Variants in GEMIN5 observed in about 807,000 individuals in gnomAD.
The protein encoded by GEMIN5 is gem-associated protein 5.
Under a neutral mutation model 176.9 loss-of-function variants are expected in GEMIN5, and 124 were observed. The observed-to-expected ratio is 0.70, with a 90% CI of 0.61 to 0.81. GEMIN5 has a LOEUF of 0.81. Among genes scored for constraint, GEMIN5 ranks in the 40% least tolerant of loss-of-function variants. The pLI, the probability that GEMIN5 is intolerant of heterozygous loss-of-function variation, is 0.00. For missense variants in GEMIN5, 1,843 were observed against 1,814.6 expected (o/e 1.02, Z -0.28); for synonymous variants, 673 against 665.2 (o/e 1.01, Z -0.18).
In GEMIN5 at chr5:154,921,358, G is replaced by C. The variant is rs1460578838; in HGVS notation, c.1447C>G (p.Pro483Ala). The C allele has an allele frequency of 7.3e-7, 1 of 1,377,900 alleles. No homozygotes were observed. The highest frequency in any genetic ancestry group is 1.8e-5 in the Admixed American group (1 of 56,452). 85.4% of individuals were successfully genotyped at this position (1,377,900 alleles called of 1,614,324 possible). A position where few individuals can be genotyped will look rare whatever the true frequency, so the allele number is the denominator to read the frequency against. The change falls in exon 10 of 28, where the codon CCC (proline) becomes GCC (alanine). Residue 483 changes from proline (P) to alanine (A), a missense_variant. Coordinates refer to ENST00000285873, the MANE Select transcript of GEMIN5 (RefSeq NM_015465.5). ...AGATACTTACCAAGTGACATGGGGG[G>C]TACTGGTGGCCCCCAGGCTAAAGTA... Reference protein sequence around the residue: ...VYTLAWGPPVPPMSLGGEGDR... With the variant: ...VYTLAWGPPVAPMSLGGEGDR...
intron 25 of GEMIN5, 146 bp downstream of exon 25, chr5:154,892,241 G>A (rs932261505): frequency 1.5e-6 from 1 of 667,480 alleles, no homozygotes. Context: ...TAAAAGCTTC[G>A]GTAAGAGAAT....
chr5:154,895,171 C>T (rs187534450), intron 24 of GEMIN5, among the ~76,000 whole-genome samples: 1 of 151,914 alleles, frequency 6.6e-6, no homozygotes, highest in East Asian at 1.9e-4. Flanking sequence ...AGCCTTGTTC[C>T]TCATAAATAT....
intron 25 of GEMIN5, among the ~76,000 whole-genome samples, chr5:154,891,984 T>A (rs562298777): frequency 1.3e-5 from 2 of 152,218 alleles, no homozygotes; most frequent in East Asian, 3.9e-4. Context: ...TGATAGAGTA[T>A]TCCATTTGTA....
At chr5:154,913,159 A>ATT in intron 13 of GEMIN5, 121 bp from the exon 14 acceptor site, 4 of 758,012 alleles carry the variant, frequency 5.3e-6, no homozygotes, top group Non-Finnish European at 6.0e-6. Context: ...TTTCTAGGTT[A>ATT]TTTTTTTTTT....
intron 11 of GEMIN5, among the ~76,000 whole-genome samples, chr5:154,919,299 T>A (rs1237445239): frequency 1.3e-5 from 2 of 152,064 alleles, no homozygotes; most frequent in Admixed American, 6.6e-5. Context: ...GCCACTGCAC[T>A]CCAGCCTGAG....
At chr5:154,914,820 TAAACTAAC>T (rs1484037904) in intron 13 of GEMIN5, among the ~76,000 whole-genome samples, 1 of 152,216 alleles carries the variant, frequency 6.6e-6, no homozygotes, top group Non-Finnish European at 1.5e-5. Context: ...TATATTAAGT[TAAACTAAC>T]AAACTGATAA....
rs1763548705 is a variant in GEMIN5, at chr5:154,905,407, T to G, written c.2465A>C (p.Asn822Thr). ...CTCCTTTTTCAGTAAAATGACTTTG[T>G]TATTAATGGTGACTTTTGACTTTTC... is the stretch of plus-strand genomic sequence containing the variant. ...GFEKSKVTIN[N>T]KVILLKKEPP... Residue 822 changes from asparagine (N) to threonine (T), a missense_variant, in exon 17 of 28, where the codon AAC (asparagine) becomes ACC (threonine). By Grantham distance (65) the Asn-to-Thr change is moderately conservative. Transcript: ENST00000285873. 6.2e-7 allele frequency: 1 copy of G among 1,609,448 alleles called. No homozygotes were observed.
intron 27 of GEMIN5, 127 bp from the exon 28 acceptor site, chr5:154,888,504 C>G: frequency 7.3e-6 from 5 of 687,010 alleles, no homozygotes; most frequent in Non-Finnish European, 9.8e-6. Flanking sequence ...AGCCAGCTGT[C>G]TCCTAAGGCA....
At chr5:154,920,376 G>C (rs988608047) in intron 10 of GEMIN5, among the ~76,000 whole-genome samples, 2 of 152,082 alleles carry the variant, frequency 1.3e-5, no homozygotes, top group Non-Finnish European at 2.9e-5. Flanking sequence ...TAATAATAGG[G>C]GTCCAAAAGC....
intron 10 of GEMIN5, 71 bp from the exon 11 acceptor site, chr5:154,920,174 GACC>G: frequency 8.2e-7 from 1 of 1,216,608 alleles, no homozygotes; most frequent in Non-Finnish European, 1.2e-6. Flanking sequence ...GCTATAGTAT[GACC>G]ATACCATACT....
At chr5:154,931,026 G>T (rs1764151148) in intron 5 of GEMIN5, among the ~76,000 whole-genome samples, 1 of 152,254 alleles carries the variant, frequency 6.6e-6, no homozygotes, top group African/African-American at 2.4e-5. Context: ...ATGATTGAGG[G>T]GCTCTATAAT....
intron 12 of GEMIN5, 93 bp downstream of exon 12, chr5:154,917,838 C>G (rs369487232): frequency 1.2e-6 from 1 of 825,100 alleles, no homozygotes. Context: ...ACAACTGGGC[C>G]GCCCCAGCTA....
intron 9 of GEMIN5, among the ~76,000 whole-genome samples, chr5:154,922,050 C>T (rs1763933692): frequency 6.6e-6 from 1 of 152,196 alleles, no homozygotes; most frequent in Non-Finnish European, 1.5e-5. Context: ...TAATTAGCAG[C>T]TGACTTACTT....
Position 154,927,302 on chromosome 5 carries a change from C to G in GEMIN5, c.1080+83G>C, listed in dbSNP as rs988118407. The G allele has an allele frequency of 1.2e-5, 10 of 801,438 alleles. No individual in the cohort carries two copies. The African/African-American group carries it at 1.7e-4, about 13-fold the overall frequency. 49.6% of individuals were successfully genotyped at this position (801,438 alleles called of 1,614,324 possible). On this transcript the variant is annotated intron_variant, in intron 7 of 27. Transcript: ENST00000285873. The stretch of plus-strand genomic sequence containing the variant: ...TCAGGGGTGGAGTATTACGACTTGA[C>G]AGGTGCTTTGAAAAAGCCCTCTCAT...
At chr5:154,909,805 C>T (rs1456290964) in intron 15 of GEMIN5, among the ~76,000 whole-genome samples, 1 of 151,946 alleles carries the variant, frequency 6.6e-6, no homozygotes, top group Non-Finnish European at 1.5e-5. Context: ...ATGGTGAATC[C>T]CTGTCTCTAC....
intron 10 of GEMIN5, among the ~76,000 whole-genome samples, chr5:154,920,588 T>C (rs1763903139): frequency 6.6e-6 from 1 of 152,196 alleles, no homozygotes; most frequent in African/African-American, 2.4e-5. Flanking sequence ...GTAATTCTGG[T>C]GGGTTTCTAT....
chr5:154,918,115 G>C (rs1291006209), intron 11 of GEMIN5, 111 bp from the exon 12 acceptor site: 15 of 661,632 alleles, frequency 2.3e-5, no homozygotes, highest in Non-Finnish European at 3.8e-5. Flanking sequence ...TTATACAACA[G>C]CTATTCTTGT....
In GEMIN5 at chr5:154,888,113, T is replaced by C. The variant is rs572685976; in HGVS notation, c.*97A>G. 47 of 1,155,130 alleles carry C rather than the reference T, an allele frequency of 4.1e-5. 1 individual carries two copies. In the South Asian group the frequency reaches 5.7e-4, roughly 14 times the overall value. The allele number at this position is 1,155,130 out of a possible 1,614,324, so 71.6% of individuals were successfully genotyped here. On this transcript the variant is annotated 3_prime_UTR_variant, in exon 28 of 28. Coordinates refer to ENST00000285873, the MANE Select transcript of GEMIN5 (RefSeq NM_015465.5). ...ATTCTTTTGGATTACTGCAAAAACA[T>C]CTAGGGACCAGAGTGAATGTCTGGT... is the stretch of plus-strand genomic sequence containing the variant.
At chr5:154,931,937 C>T (rs1163453840) in intron 4 of GEMIN5, among the ~76,000 whole-genome samples, 162 bp downstream of exon 4, 2 of 152,330 alleles carry the variant, frequency 1.3e-5, no homozygotes, top group East Asian at 1.9e-4. Context: ...CGCTTGAACC[C>T]GGGAGGCGGA....
Sources: gnomAD v4.1 joint callset for allele counts (sites outside exome capture counted in the v4.1 genomes callset) on GRCh38, gnomAD v4.1.1 for gene constraint, MANE v1.5 for transcripts, NCBI Gene and HGNC (gene_info 2026-07-23, HGNC 2026-07-21) for gene names.